FAM167A: variants seen among roughly 807,000 people sequenced by gnomAD.
FAM167A encodes the protein protein FAM167A.
A neutral mutation model predicts 14.9 loss-of-function variants in FAM167A; 23 were observed. That is an observed-to-expected ratio of 1.55 (90% CI 1.11 to 2.19). The LOEUF is 2.19. Ranked by LOEUF, FAM167A falls within the 30% of genes most tolerant of loss-of-function variation. The pLI is 0.00. For missense variants in FAM167A, 401 were observed against 281.5 expected, an observed-to-expected ratio of 1.42 and a Z score of -3.04; for synonymous variants, 174 against 117.7, an observed-to-expected ratio of 1.48 and a Z score of -3.10.
intron 2 of FAM167A, among the ~76,000 whole-genome samples, chr8:11,440,849 G>C (rs890729425): frequency 6.6e-6 from 1 of 152,198 alleles, no homozygotes; most frequent in Non-Finnish European, 1.5e-5. Flanking sequence ...CACTTTCACT[G>C]AGTTAAATAG....
chr8:11,452,602 C>A (rs1026839957), intron 1 of FAM167A, among the ~76,000 whole-genome samples: 5 of 152,206 alleles, frequency 3.3e-5, no homozygotes, highest in African/African-American at 4.8e-5. Context: ...GCCTCCACCC[C>A]ACGAGGTTGC....
intron 2 of FAM167A, among the ~76,000 whole-genome samples, chr8:11,430,154 C>T (rs1173230413): frequency 2.0e-5 from 3 of 152,216 alleles, no homozygotes; most frequent in African/African-American, 7.2e-5. Flanking sequence ...CCAGCGTGGC[C>T]TGGTGTCTCT....
chr8:11,435,261 C>A (rs1304745624), intron 2 of FAM167A, among the ~76,000 whole-genome samples: 1 of 152,200 alleles, frequency 6.6e-6, no homozygotes, highest in African/African-American at 2.4e-5. Context: ...TTGTCCCTCT[C>A]CCTGCAGAGG....
chr8:11,458,964 G>A lies in FAM167A; in HGVS notation c.-398+7662C>T, dbSNP rs1053230952. 9.9e-5 allele frequency among the ~76,000 whole-genome samples: 15 copies of A among 152,196 alleles called. 1 individual carries two copies. Among genetic ancestry groups the A allele is most frequent in the Admixed American group, 8.5e-4 (13 of 15,284 alleles). ...GCCTGGGCTTCAGGAGGGCGAATTCGCCCCCAGTTCTTCCCCCTGCTGCTC... is the reference window on the plus strand; with the variant it reads ...GCCTGGGCTTCAGGAGGGCGAATTCACCCCCAGTTCTTCCCCCTGCTGCTC... On this transcript the variant is annotated intron_variant, in intron 1 of 2. Coordinates refer to ENST00000284486, the MANE Select transcript of FAM167A (RefSeq NM_053279.3).
At chr8:11,438,266 G>C (rs934412876) in intron 2 of FAM167A, 4 of 404,010 alleles carry the variant, frequency 9.9e-6, no homozygotes, top group African/African-American at 4.1e-5. Context: ...CTGCAAGACA[G>C]CCAGGAAAGG....
chr8:11,449,688 G>T (rs141513611), intron 1 of FAM167A, among the ~76,000 whole-genome samples: 4 of 152,202 alleles, frequency 2.6e-5, no homozygotes, highest in Non-Finnish European at 4.4e-5. Context: ...CAAGCCCTTG[G>T]GGGGGCGCGT....
rs1033683617 is a variant in FAM167A at position 11,421,848 on chromosome 8, G to A, written c.*2525C>T. ...GGTGAGCCAGGAGGCTGGGACGGAG[G>A]TTAGGCCAATGTTGCTGCTGACTCA... On this transcript the variant is annotated 3_prime_UTR_variant, in exon 3 of 3. Transcript: ENST00000284486. 3.0e-5 allele frequency: 12 copies of A among 398,386 alleles called. No individual in the cohort carries two copies. The highest frequency in any genetic ancestry group is 4.4e-5 in the Non-Finnish European group (10 of 226,028). The allele number at this position is 398,386 out of a possible 1,614,324, so 24.7% of individuals were successfully genotyped here. A position where few individuals can be genotyped will look rare whatever the true frequency, so the allele number is the denominator to read the frequency against.
intron 1 of FAM167A, among the ~76,000 whole-genome samples, chr8:11,446,968 G>A (rs1806811282): frequency 6.6e-6 from 1 of 152,152 alleles, no homozygotes; most frequent in African/African-American, 2.4e-5. Context: ...GCAGGCGGAT[G>A]AGCAGCACCC....
At position 11,475,683 on chromosome 8, in the gene FAM167A, C is replaced by G. The variant is rs936547; in HGVS notation, c.-398+183G>C. Among the ~76,000 whole-genome samples the G allele has an allele frequency of 3.5e-3, 534 of 152,308 alleles. 3 individuals are homozygous for G. Among genetic ancestry groups the G allele is most frequent in the African/African-American group, 0.012 (511 of 41,564 alleles). On this transcript the variant is annotated intron_variant, in intron 1 of 1. Transcript: ENST00000648766. ...ACATATCCAGTACCAATTATATGAT[C>G]TGACTCAATCAGGTCAGATGTGCCT...
chr8:11,433,069 T>C (rs1805726376), intron 2 of FAM167A, among the ~76,000 whole-genome samples: 1 of 150,822 alleles, frequency 6.6e-6, no homozygotes, highest in South Asian at 2.1e-4. Context: ...TGTTGGGGGG[T>C]AGGGAGGGAT....
intron 1 of FAM167A, among the ~76,000 whole-genome samples, chr8:11,451,447 G>C (rs1214556297): frequency 6.6e-6 from 1 of 152,266 alleles, no homozygotes; most frequent in East Asian, 1.9e-4. Context: ...ACTGGAGAAG[G>C]AATATTAAAG....
Position 11,424,190 on chromosome 8 carries a change from C to T in FAM167A, c.*183G>A. ...CAAGAGCCAGTCACAGAGACACTGG[C>T]ATCCACACCCAGGGCCCCTGGGTGG... is the stretch of plus-strand genomic sequence containing the variant. On this transcript the variant is annotated 3_prime_UTR_variant, in exon 3 of 3. Transcript: ENST00000284486. 1.5e-6 allele frequency: 1 copy of T among 676,478 alleles called. No individual in the cohort carries two copies. Among genetic ancestry groups the T allele is most frequent in the East Asian group, 2.8e-5 (1 of 36,144 alleles). The allele number at this position is 676,478 out of a possible 1,614,324, so 41.9% of individuals were successfully genotyped here. A position where few individuals can be genotyped will look rare whatever the true frequency, so the allele number is the denominator to read the frequency against.
At chr8:11,466,132 G>C (rs745984359) in intron 1 of FAM167A, among the ~76,000 whole-genome samples, 55 of 152,224 alleles carry the variant, frequency 3.6e-4, no homozygotes, top group Non-Finnish European at 6.3e-4. Flanking sequence ...GGTCACACTG[G>C]CTTGGGTCCT....
chr8:11,429,270 CTAAGAAGCT>C (rs1351539463), intron 2 of FAM167A, among the ~76,000 whole-genome samples: 1 of 152,210 alleles, frequency 6.6e-6, no homozygotes, highest in Non-Finnish European at 1.5e-5. Context: ...TTTCTGATGG[CTAAGAAGCT>C]TTTTATAAAT....
intron 1 of FAM167A, among the ~76,000 whole-genome samples, chr8:11,455,023 G>A (rs1170869303): frequency 6.6e-6 from 1 of 152,224 alleles, no homozygotes; most frequent in Non-Finnish European, 1.5e-5. Flanking sequence ...TGCATTCCAA[G>A]CCTTGGTCAG....
chr8:11,471,483 G>T (rs140370357), upstream of FAM167A, among the ~76,000 whole-genome samples: 185 of 152,236 alleles, frequency 1.2e-3, 2 homozygotes, highest in African/African-American at 4.2e-3. Flanking sequence ...ACATTGGGAC[G>T]GCAATAGAGG....
chr8:11,427,578 C>T lies in FAM167A; in HGVS notation c.382-2942G>A, dbSNP rs1254912007. On this transcript the variant is annotated intron_variant, in intron 2 of 2. Coordinates refer to ENST00000284486, the MANE Select transcript of FAM167A (RefSeq NM_053279.3). ...AATGAAGGCAGTGTTCTCACTTTCTCCCTGTTAGGTTTATAATAGAGCACA... is the reference window on the plus strand; with the variant it reads ...AATGAAGGCAGTGTTCTCACTTTCTTCCTGTTAGGTTTATAATAGAGCACA... 2.0e-5 allele frequency among the ~76,000 whole-genome samples: 3 copies of T among 152,328 alleles called. No individual in the cohort carries two copies. In the East Asian group the frequency reaches 5.8e-4, roughly 29 times the overall value.
chr8:11,427,862 T>G (rs1805290334), intron 2 of FAM167A, among the ~76,000 whole-genome samples: 1 of 152,222 alleles, frequency 6.6e-6, no homozygotes, highest in African/African-American at 2.4e-5. Flanking sequence ...TATTGCTAAT[T>G]AAATTCTATT....
rs1361585042 is a variant in FAM167A at position 11,423,250 on chromosome 8, G to A, written c.*1123C>T. On this transcript the variant is annotated 3_prime_UTR_variant, in exon 3 of 3. Transcript: ENST00000284486. Reference sequence around the variant, plus strand: ...CAGACTGACCTCCCTAACCTGCTGGGGTCTTAACTTGCTGATCCTCAAGCC... The same window carrying A: ...CAGACTGACCTCCCTAACCTGCTGGAGTCTTAACTTGCTGATCCTCAAGCC... 6.6e-6 allele frequency: 1 copy of A among 152,262 alleles called. No individual in the cohort carries two copies. Among genetic ancestry groups the A allele is most frequent in the East Asian group, 1.9e-4 (1 of 5,184 alleles). 9.4% of individuals were successfully genotyped at this position (152,262 alleles called of 1,614,324 possible).
Sources: gnomAD v4.1 joint callset for allele counts (sites outside exome capture counted in the v4.1 genomes callset) on GRCh38, gnomAD v4.1.1 for gene constraint, MANE v1.5 for transcripts, NCBI Gene and HGNC (gene_info 2026-07-23, HGNC 2026-07-21) for gene names.